SFT2D2: variants seen among roughly 807,000 people sequenced by gnomAD.
SFT2D2 encodes the protein SFT2 domain containing 2, also known as vesicle transport protein SFT2B.
A neutral mutation model predicts 27.4 loss-of-function variants in SFT2D2; 21 were observed. The ratio of observed to expected loss-of-function variants is 0.77; its 90% CI spans 0.54 to 1.10. The LOEUF is 1.10. Ranked by LOEUF, SFT2D2 falls within the 50% of genes least tolerant of loss-of-function variation. The pLI, the probability that SFT2D2 is intolerant of heterozygous loss-of-function variation, is 0.00. For synonymous variants in SFT2D2, 72 were observed against 71.7 expected (o/e 1.00, Z -0.02); for missense variants, 187 against 194.2 (o/e 0.96, Z 0.22).
Position 168,250,291 on chromosome 1 carries a change from C to G in SFT2D2, c.*7751C>G, listed in dbSNP as rs1647921109. The G allele has an allele frequency of 6.6e-6, 1 of 152,174 alleles. No homozygotes were observed. The highest frequency in any genetic ancestry group is 2.4e-5 in the African/African-American group (1 of 41,428). The allele number at this position is 152,174 out of a possible 1,614,324, so 9.4% of individuals were successfully genotyped here. On this transcript the variant is annotated 3_prime_UTR_variant, in exon 8 of 8. Transcript: ENST00000271375. ...TTGTTAGACTGTGGGAGGAAGAAAT[C>G]CATTTCAAATCTGCTGAAACCTGTT...
At position 168,247,553 on chromosome 1, in the gene SFT2D2, T is replaced by G. The variant is rs1036916195; in HGVS notation, c.*5013T>G. The G allele has an allele frequency of 6.5e-6, 1 of 152,852 alleles. No homozygotes were observed. Among genetic ancestry groups the G allele is most frequent in the Non-Finnish European group, 1.5e-5 (1 of 68,554 alleles). 9.5% of individuals were successfully genotyped at this position (152,852 alleles called of 1,614,324 possible). A position where few individuals can be genotyped will look rare whatever the true frequency, so the allele number is the denominator to read the frequency against. On this transcript the variant is annotated 3_prime_UTR_variant, in exon 8 of 8. Coordinates refer to ENST00000271375, the MANE Select transcript of SFT2D2 (RefSeq NM_199344.3). ...ATTCCATGGGTGTATATATGCCACA[T>G]TTTCTTTATCCAGTCTATAATTGAT...
intron 6 of SFT2D2, 85 bp downstream of exon 6, chr1:168,236,855 G>A (rs1647518354): frequency 7.0e-7 from 1 of 1,432,900 alleles, no homozygotes; most frequent in Non-Finnish European, 9.7e-7. Context: ...ATTGTGGGTG[G>A]GAGAATTAAG....
intron 3 of SFT2D2, among the ~76,000 whole-genome samples, chr1:168,234,519 C>T (rs1647433769): frequency 1.3e-5 from 2 of 151,896 alleles, no homozygotes. Flanking sequence ...AAGTGTAATA[C>T]ATAACTCACA....
In SFT2D2 at chr1:168,248,941, G is replaced by A. The variant is rs1647890632; in HGVS notation, c.*6401G>A. On this transcript the variant is annotated 3_prime_UTR_variant, in exon 8 of 8. Coordinates refer to ENST00000271375, the MANE Select transcript of SFT2D2 (RefSeq NM_199344.3). Reference sequence around the variant, plus strand: ...TGTGGTATCGGTGGTGATATCCCCTGTATCATTTTTTATTGCATTTATTTG... The same window carrying A: ...TGTGGTATCGGTGGTGATATCCCCTATATCATTTTTTATTGCATTTATTTG... 1 of 151,722 alleles carries A rather than the reference G, an allele frequency of 6.6e-6. No individual in the cohort carries two copies. The highest frequency in any genetic ancestry group is 1.5e-5 in the Non-Finnish European group (1 of 67,862). 9.4% of individuals were successfully genotyped at this position (151,722 alleles called of 1,614,324 possible). A position where few individuals can be genotyped will look rare whatever the true frequency, so the allele number is the denominator to read the frequency against.
At chr1:168,234,051 T>G (rs1427567518) in intron 3 of SFT2D2, among the ~76,000 whole-genome samples, 3 of 152,212 alleles carry the variant, frequency 2.0e-5, no homozygotes, top group Non-Finnish European at 4.4e-5. Flanking sequence ...CATGACAGTC[T>G]GCTTCATTTG....
chr1:168,228,678 T>TG lies in SFT2D2; in HGVS notation c.63+2538dup, dbSNP rs1246704176. ...GCAGTATTTCTTTCTTACCTTCTTCTGGTTACCAATCCTGTTTTTCTGAAC... is the reference window on the plus strand; with the variant it reads ...GCAGTATTTCTTTCTTACCTTCTTCTGGGTTACCAATCCTGTTTTTCTGAAC... On this transcript the variant is annotated intron_variant, in intron 1 of 7. Transcript: ENST00000271375. Among the ~76,000 whole-genome samples, 6 of 152,354 alleles carry TG rather than the reference T, an allele frequency of 3.9e-5. No individual in the cohort carries two copies. The East Asian group carries it at 1.2e-3, about 29-fold the overall frequency.
chr1:168,231,550 A>G lies in SFT2D2; in HGVS notation c.100A>G (p.Ile34Val), dbSNP rs1201990932. 12 of 1,613,860 alleles carry G rather than the reference A, an allele frequency of 7.4e-6. No homozygotes were observed. The highest frequency in any genetic ancestry group is 1.0e-5 in the Non-Finnish European group (12 of 1,180,010). Residue 34 changes from isoleucine (I) to valine (V), a missense_variant, in exon 2 of 8, where the codon ATA becomes GTA. By Grantham distance (29) the Ile-to-Val change is conservative. Coordinates refer to ENST00000271375, the MANE Select transcript of SFT2D2 (RefSeq NM_199344.3). ...EASSLSWSTR[I>V]KGFIACFAIG... ...ATCTTCATTAAGCTGGAGTACCAGG[A>G]TAAAAGGCTTCATTGCGTGTTTTGC...
chr1:168,227,093 T>TA (rs751065152), intron 1 of SFT2D2, among the ~76,000 whole-genome samples: 33 of 152,188 alleles, frequency 2.2e-4, no homozygotes, highest in Non-Finnish European at 4.4e-4. Context: ...GTGCTGGGAT[T>TA]ACAGGCATGA....
At position 168,249,632 on chromosome 1, in the gene SFT2D2, G is replaced by T. The variant is rs1382261938; in HGVS notation, c.*7092G>T. 1 of 152,646 alleles carries T rather than the reference G, an allele frequency of 6.6e-6. No individual in the cohort carries two copies. Among genetic ancestry groups the T allele is most frequent in the African/African-American group, 2.4e-5 (1 of 41,452 alleles). The allele number at this position is 152,646 out of a possible 1,614,324, so 9.5% of individuals were successfully genotyped here. A position where few individuals can be genotyped will look rare whatever the true frequency, so the allele number is the denominator to read the frequency against. On this transcript the variant is annotated 3_prime_UTR_variant, in exon 8 of 8. Transcript: ENST00000271375. ...TATAGCATACTAGTAGTGAATGTAG[G>T]CTTTGAAGTCAGATGCATCTGGCTG...
At chr1:168,239,476 T>TG (rs1647589691) in intron 7 of SFT2D2, among the ~76,000 whole-genome samples, 1 of 148,140 alleles carries the variant, frequency 6.8e-6, no homozygotes, top group African/African-American at 2.5e-5. Flanking sequence ...TTTTTTTTTT[T>TG]TATAAAGGTG....
rs1176064107 is a variant in SFT2D2, at chr1:168,242,496, C to G, written c.444-5C>G. The stretch of plus-strand genomic sequence containing the variant: ...CCACTCATCTTTGTGTCTTTTCTTT[C>G]CTAGGGATGCTGTGAAGAAGTGTTT... On this transcript the variant is annotated splice_polypyrimidine_tract_variant and splice_region_variant and intron_variant, in intron 7 of 7. Transcript: ENST00000271375. The G allele has an allele frequency of 1.9e-6, 3 of 1,613,780 alleles. No homozygotes were observed. Among genetic ancestry groups the G allele is most frequent in the Non-Finnish European group, 2.5e-6 (3 of 1,179,986 alleles).
chr1:168,226,200 G>C (rs573335389), intron 1 of SFT2D2, 58 bp downstream of exon 1: 2 of 1,477,336 alleles, frequency 1.4e-6, no homozygotes, highest in African/African-American at 1.4e-5. Flanking sequence ...TGCGTCCCCT[G>C]CCCGGGCCTG....
rs1489333671 is a variant in SFT2D2 at position 168,243,220 on chromosome 1, C to T, written c.*680C>T. 6.6e-6 allele frequency: 1 copy of T among 151,872 alleles called. No homozygotes were observed. Among genetic ancestry groups the T allele is most frequent in the African/African-American group, 2.4e-5 (1 of 41,276 alleles). The allele number at this position is 151,872 out of a possible 1,614,324, so 9.4% of individuals were successfully genotyped here. A position where few individuals can be genotyped will look rare whatever the true frequency, so the allele number is the denominator to read the frequency against. Reference sequence around the variant, plus strand: ...TCTTGGGTTTTATTTCCCATCCCTCCCTCCCTCTCCCTGCATATCTTTCTT... The same window carrying T: ...TCTTGGGTTTTATTTCCCATCCCTCTCTCCCTCTCCCTGCATATCTTTCTT... On this transcript the variant is annotated 3_prime_UTR_variant, in exon 8 of 8. Coordinates refer to ENST00000271375, the MANE Select transcript of SFT2D2 (RefSeq NM_199344.3).
chr1:168,228,413 T>G (rs1271579787), intron 1 of SFT2D2, among the ~76,000 whole-genome samples: 4 of 152,198 alleles, frequency 2.6e-5, no homozygotes, highest in Non-Finnish European at 5.9e-5. Flanking sequence ...ATGCAAACCA[T>G]AAAGGTGTGA....
At chr1:168,236,492 G>A (rs2102331069) in intron 4 of SFT2D2, 97 bp from the exon 5 acceptor site, 5 of 1,183,274 alleles carry the variant, frequency 4.2e-6, no homozygotes, top group South Asian at 4.0e-5. Flanking sequence ...GATGAAGGAT[G>A]CATAAGTTTT....
chr1:168,227,627 GT>G (rs548342369), intron 1 of SFT2D2, among the ~76,000 whole-genome samples: 2 of 151,400 alleles, frequency 1.3e-5, no homozygotes, highest in African/African-American at 2.4e-5. Flanking sequence ...AATTTCACGG[GT>G]TTTTTTTTCT....
Position 168,246,696 on chromosome 1 carries a change from A to G in SFT2D2, c.*4156A>G, listed in dbSNP as rs761638552. Reference sequence around the variant, plus strand: ...CATGTAGAGCAACATTCAGTCTACGATGGTATGATTCCATTTCGTCAGTCT... The same window carrying G: ...CATGTAGAGCAACATTCAGTCTACGGTGGTATGATTCCATTTCGTCAGTCT... On this transcript the variant is annotated 3_prime_UTR_variant, in exon 8 of 8. Coordinates refer to ENST00000271375, the MANE Select transcript of SFT2D2 (RefSeq NM_199344.3). 9.2e-7 allele frequency: 1 copy of G among 1,081,252 alleles called. No homozygotes were observed. Among genetic ancestry groups the G allele is most frequent in the South Asian group, 1.2e-5 (1 of 81,144 alleles). 67.0% of individuals were successfully genotyped at this position (1,081,252 alleles called of 1,614,324 possible).
chr1:168,237,367 G>A (rs1373599058), intron 6 of SFT2D2, among the ~76,000 whole-genome samples: 1 of 152,288 alleles, frequency 6.6e-6, no homozygotes, highest in South Asian at 2.1e-4. Context: ...TAACTCCAGA[G>A]CCAAGTATAG....
At position 168,237,752 on chromosome 1, in the gene SFT2D2, G is replaced by A. The variant is rs187990103; in HGVS notation, c.413+982G>A. On this transcript the variant is annotated intron_variant, in intron 6 of 7. Transcript: ENST00000271375. Reference sequence around the variant, plus strand: ...TTTTGAATAAATATAGTTACAAATTGCCTTTTGGAATTTACTGTGTTGACA... The same window carrying A: ...TTTTGAATAAATATAGTTACAAATTACCTTTTGGAATTTACTGTGTTGACA... Among the ~76,000 whole-genome samples, 11 of 152,086 alleles carry A rather than the reference G, an allele frequency of 7.2e-5. No individual in the cohort carries two copies. The East Asian group carries it at 2.1e-3, about 29-fold the overall frequency.
Sources: gnomAD v4.1 joint callset for allele counts (sites outside exome capture counted in the v4.1 genomes callset) on GRCh38, gnomAD v4.1.1 for gene constraint, MANE v1.5 for transcripts, NCBI Gene and HGNC (gene_info 2026-07-23, HGNC 2026-07-21) for gene names.